KANSL1: variants seen among roughly 807,000 people sequenced by gnomAD.
The protein encoded by KANSL1 is KAT8 regulatory NSL complex subunit 1, also known as MLL1/MLL complex subunit KANSL1.
In KANSL1, 22 loss-of-function variants were observed where a neutral mutation model predicts 103.6. That is an observed-to-expected ratio of 0.21 (90% CI 0.15 to 0.30). The LOEUF is 0.30. Ranked by LOEUF, KANSL1 falls within the 10% of genes least tolerant of loss-of-function variation. KANSL1 has a pLI of 1.00. For missense variants in KANSL1, 1,337 were observed against 1,399.8 expected (o/e 0.96, Z 0.72); for synonymous variants, 600 against 527.6 (o/e 1.14, Z -1.88).
upstream of KANSL1, chr17:46,224,458 A>G (rs2048623122): frequency 6.7e-6 from 1 of 149,548 alleles, no homozygotes; most frequent in Middle Eastern, 3.4e-3. Flanking sequence ...TGCTTCGCTT[A>G]AAATGGAGGC....
chr17:46,185,972 G>C (rs1158708556), intron 1 of KANSL1, among the ~76,000 whole-genome samples: 2 of 145,802 alleles, frequency 1.4e-5, no homozygotes, highest in East Asian at 1.9e-4. Context: ...ACAAAAGACA[G>C]AGGAAAAAAA....
intron 2 of KANSL1, among the ~76,000 whole-genome samples, chr17:46,129,295 G>A (rs2043729592): frequency 2.6e-5 from 4 of 152,164 alleles, no homozygotes. Context: ...ACGATGTCAA[G>A]CATGGAAATT....
intron 2 of KANSL1, among the ~76,000 whole-genome samples, chr17:46,120,433 TA>T (rs1198928779): frequency 6.6e-6 from 1 of 152,184 alleles, no homozygotes; most frequent in Non-Finnish European, 1.5e-5. Flanking sequence ...TATATTTATA[TA>T]AGCTGTGCAT....
chr17:46,034,355 T>G, intron 10 of KANSL1, 70 bp from the exon 11 acceptor site: 1 of 1,556,032 alleles, frequency 6.4e-7, no homozygotes, highest in South Asian at 1.1e-5. Flanking sequence ...ATCTAAGAGT[T>G]AAAGCAGGAT....
intron 6 of KANSL1, among the ~76,000 whole-genome samples, chr17:46,062,364 T>G (rs2078208138): frequency 1.4e-5 from 2 of 145,382 alleles, no homozygotes; most frequent in African/African-American, 5.0e-5. Flanking sequence ...GCTTTTTTTT[T>G]TTTTTTTTTT....
intron 2 of KANSL1, among the ~76,000 whole-genome samples, chr17:46,153,219 G>T (rs376066283): frequency 1.3e-5 from 2 of 152,254 alleles, no homozygotes; most frequent in African/African-American, 2.4e-5. Context: ...GCTCATCAAC[G>T]CATTTTAGTT....
chr17:46,172,180 TGCCGAGGCCGAG>T lies in KANSL1; in HGVS notation c.-49_-38del. The T allele has an allele frequency of 8.9e-6, 14 of 1,580,348 alleles. No individual in the cohort carries two copies. Among genetic ancestry groups the T allele is most frequent in the Non-Finnish European group, 1.2e-5 (14 of 1,168,756 alleles). ...AGACAGGAAGTCCAGCCTCTCCCGA[TGCCGAGGCCGAG>T]GCCAGCTCCACGGCCCCTTACTGCC... On this transcript the variant is annotated 5_prime_UTR_variant, in exon 2 of 15. Transcript: ENST00000432791.
chr17:46,156,262 C>A (rs913523220), intron 2 of KANSL1, among the ~76,000 whole-genome samples: 3 of 152,088 alleles, frequency 2.0e-5, no homozygotes, highest in African/African-American at 7.2e-5. Flanking sequence ...CAAGAGAATC[C>A]CTTGAACCCA....
chr17:46,148,625 C>T (rs1416285718), intron 2 of KANSL1, among the ~76,000 whole-genome samples: 1 of 151,056 alleles, frequency 6.6e-6, no homozygotes, highest in Admixed American at 6.6e-5. Context: ...CTCCCTCTGT[C>T]GCCCAGGCTG....
chr17:46,033,035 C>T, intron 13 of KANSL1, 45 bp downstream of exon 13: 1 of 1,459,056 alleles, frequency 6.9e-7, no homozygotes, highest in Non-Finnish European at 9.3e-7. Context: ...ACTCCCTGTC[C>T]ACCCTCTCTC....
At chr17:46,074,734 AG>A (rs1204662889) in intron 4 of KANSL1, among the ~76,000 whole-genome samples, 2 of 151,668 alleles carry the variant, frequency 1.3e-5, no homozygotes, top group Non-Finnish European at 2.9e-5. Context: ...ACTGCACTCC[AG>A]CCTGGGTGAC....
chr17:46,042,585 T>C (rs888374844), intron 7 of KANSL1: 5 of 152,144 alleles, frequency 3.3e-5, no homozygotes, highest in Non-Finnish European at 7.3e-5. Context: ...ATGGAGAGGA[T>C]TCTGTAGTAA....
At chr17:46,164,344 T>G (rs1388306615) in intron 2 of KANSL1, among the ~76,000 whole-genome samples, 1 of 152,238 alleles carries the variant, frequency 6.6e-6, no homozygotes, top group African/African-American at 2.4e-5. Context: ...TTTCACTACC[T>G]ACGTTTCTTC....
chr17:46,097,230 A>G (rs1018301924), intron 2 of KANSL1, among the ~76,000 whole-genome samples: 16 of 152,374 alleles, frequency 1.1e-4, no homozygotes, highest in Admixed American at 6.5e-4. Context: ...AACATGATTA[A>G]ATCTAAGAAC....
At chr17:46,132,615 A>C (rs1413787053) in intron 2 of KANSL1, among the ~76,000 whole-genome samples, 1 of 152,214 alleles carries the variant, frequency 6.6e-6, no homozygotes, top group African/African-American at 2.4e-5. Flanking sequence ...TTAATGTTAG[A>C]GAATTGCTGC....
rs761141661 is a variant in KANSL1, at chr17:46,171,527, G to C, written c.617C>G (p.Thr206Ser). 1 of 1,613,600 alleles carries C rather than the reference G, an allele frequency of 6.2e-7. No homozygotes were observed. The highest frequency in any genetic ancestry group is 8.5e-7 in the Non-Finnish European group (1 of 1,179,808). ...GCTTCTATGTGGAAGAGTGCAATTG[G>C]TCATACCCCCCTTCAAGTCCCCAGA... ...SESGDLKGGMTNCTLPHRSLD... is the reference protein window; with the variant it reads ...SESGDLKGGMSNCTLPHRSLD... Residue 206 changes from threonine (T) to serine (S), a missense_variant, in exon 2 of 15, where the codon ACC becomes AGC. Transcript: ENST00000432791.
chr17:46,035,600 G>A (rs1040501623), intron 10 of KANSL1: 1 of 152,296 alleles, frequency 6.6e-6, no homozygotes, highest in South Asian at 2.1e-4. Context: ...TCTTGCCTGA[G>A]TTCTGTAGCT....
At chr17:46,146,931 C>G (rs1233900699) in intron 2 of KANSL1, among the ~76,000 whole-genome samples, 1 of 151,354 alleles carries the variant, frequency 6.6e-6, no homozygotes, top group Non-Finnish European at 1.5e-5. Context: ...TGGCTGGGCA[C>G]AGTGGTGCAC....
chr17:46,105,947 A>AC (rs67725690), intron 2 of KANSL1, among the ~76,000 whole-genome samples: 20 of 57,864 alleles, frequency 3.5e-4, no homozygotes, highest in African/African-American at 9.2e-4. Flanking sequence ...ACACACACAC[A>AC]CCCCCCCAGA....
Sources: allele counts gnomAD v4.1 joint callset (sites outside exome capture counted in the v4.1 genomes callset), GRCh38; gene constraint gnomAD v4.1.1; transcripts MANE v1.5; gene names NCBI Gene and HGNC (gene_info 2026-07-23, HGNC 2026-07-21).